NKAIN2: variants seen among roughly 807,000 people sequenced by gnomAD.
The protein encoded by NKAIN2 is sodium/potassium-transporting ATPase subunit beta-1-interacting protein 2.
In NKAIN2, 14 loss-of-function variants were observed where a neutral mutation model predicts 32.6. The ratio of observed to expected loss-of-function variants is 0.43; its 90% CI spans 0.28 to 0.67. The LOEUF (loss-of-function observed/expected upper bound fraction) is 0.67. NKAIN2 is among the 30% of genes least tolerant of loss of function. The pLI is 0.17. For missense variants in NKAIN2, 198 were observed against 258.3 expected, an observed-to-expected ratio of 0.77 and a Z score of 1.60; for synonymous variants, 80 against 87.2, an observed-to-expected ratio of 0.92 and a Z score of 0.46.
chr6:124,617,031 AGTTT>A (rs930109152), intron 3 of NKAIN2, among the ~76,000 whole-genome samples: 4 of 152,216 alleles, frequency 2.6e-5, no homozygotes, highest in African/African-American at 9.6e-5. Flanking sequence ...GAGCCAGGTT[AGTTT>A]GAGTTCAAGA....
intron 3 of NKAIN2, among the ~76,000 whole-genome samples, chr6:124,415,878 C>CTTTTTTTTTTTTTTTTTTTGTTT: frequency 2.8e-5 from 2 of 72,590 alleles, no homozygotes; most frequent in Non-Finnish European, 5.2e-5. Flanking sequence ...TTTTTATTTG[C>CTTTTTTTTTTTTTTTTTTTGTTT]TTTTTTTTTT....
intron 4 of NKAIN2, among the ~76,000 whole-genome samples, chr6:124,705,014 C>T (rs1774984445): frequency 6.6e-6 from 1 of 151,914 alleles, no homozygotes; most frequent in Non-Finnish European, 1.5e-5. Context: ...ACCCTCTTTT[C>T]TTTAAAAAAA....
At position 124,593,405 on chromosome 6, in the gene NKAIN2, G is replaced by A. The variant is rs537386332; in HGVS notation, c.274-64781G>A. On this transcript the variant is annotated intron_variant, in intron 3 of 6. Coordinates refer to ENST00000368417, the MANE Select transcript of NKAIN2 (RefSeq NM_001040214.3). ...ATATCCTAATTCTTAGCATATTCTG[G>A]TCTTTTCCCTAAGTTCACCAATTAG... Among the ~76,000 whole-genome samples the A allele has an allele frequency of 3.3e-5, 5 of 152,126 alleles. No individual in the cohort carries two copies. The East Asian group carries it at 9.7e-4, about 29-fold the overall frequency.
intron 1 of NKAIN2, among the ~76,000 whole-genome samples, chr6:124,052,615 C>T (rs952776381): frequency 6.6e-6 from 1 of 151,904 alleles, no homozygotes; most frequent in Admixed American, 6.6e-5. Flanking sequence ...AAAAGTACAA[C>T]AATATAAGCT....
chr6:124,487,373 C>T (rs759058381), intron 3 of NKAIN2, among the ~76,000 whole-genome samples: 12 of 152,170 alleles, frequency 7.9e-5, no homozygotes, highest in Middle Eastern at 6.8e-3. Flanking sequence ...CAGTAAAAGT[C>T]GCTTTATAGA....
At chr6:123,839,733 C>T (rs1454548056) in intron 1 of NKAIN2, among the ~76,000 whole-genome samples, 1 of 152,088 alleles carries the variant, frequency 6.6e-6, no homozygotes, top group African/African-American at 2.4e-5. Flanking sequence ...TATGTTATTT[C>T]CAGTCTCCTT....
chr6:123,833,162 A>C (rs115420569), intron 1 of NKAIN2, among the ~76,000 whole-genome samples: 3,588 of 152,084 alleles, frequency 0.024, 141 homozygotes, highest in African/African-American at 0.082. Flanking sequence ...TTTTTTTTGC[A>C]TCTGGATGTC....
At chr6:124,429,515 A>G (rs576580175) in intron 3 of NKAIN2, among the ~76,000 whole-genome samples, 1 of 152,220 alleles carries the variant, frequency 6.6e-6, no homozygotes, top group East Asian at 1.9e-4. Flanking sequence ...TTCTATCAAC[A>G]TCAGTGTGGT....
At chr6:124,359,243 C>T (rs1487842031) in intron 3 of NKAIN2, among the ~76,000 whole-genome samples, 9 of 149,706 alleles carry the variant, frequency 6.0e-5, no homozygotes, top group Non-Finnish European at 1.2e-4. Flanking sequence ...TTAGGATTGA[C>T]TTGGCAATGT....
intron 3 of NKAIN2, among the ~76,000 whole-genome samples, chr6:124,405,534 T>C (rs1773814167): frequency 6.8e-6 from 1 of 147,418 alleles, no homozygotes. Context: ...CCTTTTGTTT[T>C]GTCTTTTTTT....
chr6:124,431,940 G>A (rs1775235101), intron 3 of NKAIN2, among the ~76,000 whole-genome samples: 1 of 152,228 alleles, frequency 6.6e-6, no homozygotes, highest in African/African-American at 2.4e-5. Context: ...AAATATATCT[G>A]TAAAGGCCAG....
chr6:123,876,807 T>G (rs917020626), intron 1 of NKAIN2, among the ~76,000 whole-genome samples: 1 of 152,228 alleles, frequency 6.6e-6, no homozygotes, highest in Non-Finnish European at 1.5e-5. Flanking sequence ...ATGCCAATCT[T>G]TTCTGGAAAG....
intron 1 of NKAIN2, among the ~76,000 whole-genome samples, chr6:123,858,586 G>T (rs188314136): frequency 1.3e-5 from 2 of 152,300 alleles, no homozygotes; most frequent in East Asian, 3.9e-4. Context: ...AGAAAGTACT[G>T]CCTTTAGAGC....
At chr6:124,546,652 T>C (rs1161650566) in intron 3 of NKAIN2, among the ~76,000 whole-genome samples, 1 of 152,106 alleles carries the variant, frequency 6.6e-6, no homozygotes, top group Non-Finnish European at 1.5e-5. Context: ...ACTACAAAGG[T>C]ACATCAAAAG....
chr6:124,315,107 T>A (rs1796890631), intron 2 of NKAIN2, among the ~76,000 whole-genome samples: 2 of 152,170 alleles, frequency 1.3e-5, no homozygotes, highest in Non-Finnish European at 2.9e-5. Context: ...TTATTATTAA[T>A]GATGATTCCT....
chr6:124,770,898 T>C (rs1356866504), intron 4 of NKAIN2, among the ~76,000 whole-genome samples: 2 of 152,138 alleles, frequency 1.3e-5, no homozygotes, highest in African/African-American at 2.4e-5. Context: ...AAAAGCCACG[T>C]ACACAGTTCA....
At chr6:124,581,421 G>A (rs1461397797) in intron 3 of NKAIN2, among the ~76,000 whole-genome samples, 1 of 137,386 alleles carries the variant, frequency 7.3e-6, no homozygotes, top group African/African-American at 2.7e-5. Flanking sequence ...AGTCCGGCCT[G>A]GGCAACAGAG....
At chr6:124,158,476 G>T in intron 1 of NKAIN2, among the ~76,000 whole-genome samples, 1 of 152,208 alleles carries the variant, frequency 6.6e-6, no homozygotes, top group East Asian at 1.9e-4. Flanking sequence ...CAGTATGCCA[G>T]AAAATTGTGT....
At chr6:124,099,638 T>C (rs1784791208) in intron 1 of NKAIN2, among the ~76,000 whole-genome samples, 1 of 152,194 alleles carries the variant, frequency 6.6e-6, no homozygotes, top group Admixed American at 6.5e-5. Flanking sequence ...AAAGCTGTGG[T>C]TCTCAGGAGG....
Sources: allele counts gnomAD v4.1 joint callset (sites outside exome capture counted in the v4.1 genomes callset), GRCh38; gene constraint gnomAD v4.1.1; transcripts MANE v1.5; gene names NCBI Gene and HGNC (gene_info 2026-07-23, HGNC 2026-07-21).